The following PLXDC2 variants were observed in gnomAD, a reference collection of about 807,000 sequenced individuals.
PLXDC2 encodes plexin domain containing 2.
Under a neutral mutation model 68.9 loss-of-function variants are expected in PLXDC2, and 40 were observed. The observed-to-expected ratio is 0.58, with a 90% confidence interval of 0.45 to 0.76. PLXDC2 has a LOEUF of 0.76. Ranked by LOEUF, PLXDC2 falls within the 30% of genes least tolerant of loss-of-function variation. PLXDC2 has a pLI of 0.00. For synonymous variants in PLXDC2, 243 were observed against 234.2 expected, an observed-to-expected ratio of 1.04 and a Z score of -0.34; for missense variants, 644 against 661.9, an observed-to-expected ratio of 0.97 and a Z score of 0.30.
chr10:20,272,197 G>T (rs1302783539), intron 13 of PLXDC2, among the ~76,000 whole-genome samples: 1 of 150,672 alleles, frequency 6.6e-6, no homozygotes, highest in East Asian at 1.9e-4. Context: ...AGGAAAATTG[G>T]TTTTCTAACC....
Position 20,175,723 on chromosome 10 carries a change from T to C in PLXDC2, c.884-1276T>C, listed in dbSNP as rs1309365988. On this transcript the variant is annotated intron_variant, in intron 7 of 13. Coordinates refer to ENST00000377252, the MANE Select transcript of PLXDC2 (RefSeq NM_032812.9). ...GGCAAATGCCTGTAGTCCTAGCTAC[T>C]TGGGAGACTAAGGTGGGAGGATCGC... Among the ~76,000 whole-genome samples the C allele has an allele frequency of 2.0e-5, 3 of 152,100 alleles. No individual in the cohort carries two copies. In the East Asian group the frequency reaches 5.8e-4, roughly 29 times the overall value.
At chr10:20,118,105 T>TAC (rs60160833) in intron 4 of PLXDC2, among the ~76,000 whole-genome samples, 3,456 of 146,792 alleles carry the variant, frequency 0.024, 91 homozygotes, top group African/African-American at 0.065. Context: ...CATATATGCC[T>TAC]ACACACACAC....
At chr10:20,101,706 G>A (rs575989885) in intron 4 of PLXDC2, among the ~76,000 whole-genome samples, 92 of 151,896 alleles carry the variant, frequency 6.1e-4, no homozygotes, top group Admixed American at 3.1e-3. Flanking sequence ...CCTCTTTGTG[G>A]GATTAGGTTC....
chr10:20,005,127 C>T (rs892533472), intron 2 of PLXDC2, among the ~76,000 whole-genome samples: 1 of 152,096 alleles, frequency 6.6e-6, no homozygotes, highest in Non-Finnish European at 1.5e-5. Context: ...GCAAGCTTTG[C>T]CAGGCTTACA....
At chr10:20,021,004 G>A (rs1465469593) in intron 2 of PLXDC2, among the ~76,000 whole-genome samples, 2 of 152,106 alleles carry the variant, frequency 1.3e-5, no homozygotes, top group Non-Finnish European at 2.9e-5. Flanking sequence ...TGTCTGAATA[G>A]CAAACAACTG....
chr10:19,929,248 G>A (rs563312044), intron 1 of PLXDC2, among the ~76,000 whole-genome samples: 9 of 151,682 alleles, frequency 5.9e-5, no homozygotes, highest in Non-Finnish European at 1.3e-4. Flanking sequence ...CAACAACAAC[G>A]AAAAGAACCC....
intron 1 of PLXDC2, among the ~76,000 whole-genome samples, chr10:19,953,962 G>A (rs1419151364): frequency 6.6e-6 from 1 of 152,090 alleles, no homozygotes; most frequent in Non-Finnish European, 1.5e-5. Flanking sequence ...AAGTGTGGGC[G>A]GGGTGATAAA....
At position 20,136,646 on chromosome 10, in the gene PLXDC2, G is replaced by T. The variant is rs552949900; in HGVS notation, c.542-6649G>T. 2.0e-5 allele frequency among the ~76,000 whole-genome samples: 3 copies of T among 152,314 alleles called. No individual in the cohort carries two copies. The East Asian group carries it at 5.8e-4, about 29-fold the overall frequency. Reference sequence around the variant, plus strand: ...AAGATCATAAATTTCAGATCTATTTGATTAATATGTAGAGATAACAGTACA... The same window carrying T: ...AAGATCATAAATTTCAGATCTATTTTATTAATATGTAGAGATAACAGTACA... On this transcript the variant is annotated intron_variant, in intron 4 of 13. Coordinates refer to ENST00000377252, the MANE Select transcript of PLXDC2 (RefSeq NM_032812.9).
In PLXDC2 at chr10:20,289,293, T is replaced by C. The variant is rs1167649985; in HGVS notation, c.*9474T>C. The C allele has an allele frequency of 6.6e-6, 1 of 152,186 alleles. No homozygotes were observed. The highest frequency in any genetic ancestry group is 2.4e-5 in the African/African-American group (1 of 41,434). 9.4% of individuals were successfully genotyped at this position (152,186 alleles called of 1,614,324 possible). On this transcript the variant is annotated 3_prime_UTR_variant, in exon 14 of 14. Transcript: ENST00000377252. ...TGTGTGGGCAATGGGATGGAGACTT[T>C]TTCCCCTATTCCCAGCCACAGTGCC...
intron 6 of PLXDC2, among the ~76,000 whole-genome samples, chr10:20,156,228 A>C (rs1407694259): frequency 6.6e-6 from 1 of 152,030 alleles, no homozygotes; most frequent in East Asian, 1.9e-4. Flanking sequence ...TCAAGTGGGC[A>C]CCCTGCGTCA....
chr10:19,832,589 C>T (rs74365933), intron 1 of PLXDC2, among the ~76,000 whole-genome samples: 18,301 of 152,220 alleles, frequency 0.12, 1,273 homozygotes, highest in Non-Finnish European at 0.15. Flanking sequence ...TTAACCTTTT[C>T]CTCCACCAGG....
At chr10:20,225,534 C>G (rs1460450777) in intron 12 of PLXDC2, among the ~76,000 whole-genome samples, 2 of 152,130 alleles carry the variant, frequency 1.3e-5, no homozygotes, top group Non-Finnish European at 2.9e-5. Flanking sequence ...GACTACTTTT[C>G]ATGACAGCAC....
intron 1 of PLXDC2, among the ~76,000 whole-genome samples, chr10:19,982,505 T>C (rs956556970): frequency 6.6e-6 from 1 of 152,230 alleles, no homozygotes; most frequent in African/African-American, 2.4e-5. Context: ...AACAATCTTA[T>C]TTGTTTTCTT....
chr10:19,935,070 T>C (rs1411536828), intron 1 of PLXDC2, among the ~76,000 whole-genome samples: 1 of 152,190 alleles, frequency 6.6e-6, no homozygotes, highest in Non-Finnish European at 1.5e-5. Flanking sequence ...AGAAATTCAT[T>C]GTTCTGCTCA....
intron 1 of PLXDC2, among the ~76,000 whole-genome samples, chr10:19,987,557 GT>G (rs1554851184): frequency 1.3e-5 from 1 of 77,236 alleles, no homozygotes; most frequent in African/African-American, 5.4e-5. Flanking sequence ...ATTTGGTTTT[GT>G]TTTGTTTTTT....
At position 20,289,013 on chromosome 10, in the gene PLXDC2, A is replaced by G. The variant is rs1035764210; in HGVS notation, c.*9194A>G. ...TGTAAGACTGCTGTCATATTTGACTACATATTAAAAACAGTAAATGAGCAT... is the reference window on the plus strand; with the variant it reads ...TGTAAGACTGCTGTCATATTTGACTGCATATTAAAAACAGTAAATGAGCAT... On this transcript the variant is annotated 3_prime_UTR_variant, in exon 14 of 14. Coordinates refer to ENST00000377252, the MANE Select transcript of PLXDC2 (RefSeq NM_032812.9). 1.3e-5 allele frequency: 2 copies of G among 152,250 alleles called. No homozygotes were observed. The highest frequency in any genetic ancestry group is 2.4e-5 in the African/African-American group (1 of 41,468). The allele number at this position is 152,250 out of a possible 1,614,324, so 9.4% of individuals were successfully genotyped here.
intron 13 of PLXDC2, among the ~76,000 whole-genome samples, chr10:20,262,231 C>A (rs1835817049): frequency 6.6e-6 from 1 of 152,206 alleles, no homozygotes; most frequent in Non-Finnish European, 1.5e-5. Context: ...CCCACTCCAC[C>A]AAGGCCTTCA....
chr10:20,166,034 CT>C (rs1424311454), intron 7 of PLXDC2, among the ~76,000 whole-genome samples: 2 of 151,988 alleles, frequency 1.3e-5, no homozygotes, highest in Admixed American at 6.6e-5. Context: ...CATTTTTTCT[CT>C]TTTGTTCAAA....
At chr10:19,898,434 G>C (rs1838100899) in intron 1 of PLXDC2, among the ~76,000 whole-genome samples, 1 of 152,144 alleles carries the variant, frequency 6.6e-6, no homozygotes, top group African/African-American at 2.4e-5. Context: ...GTTAAAACAG[G>C]TCTTATTGTA....
Sources: gnomAD v4.1 joint callset for allele counts (sites outside exome capture counted in the v4.1 genomes callset) on GRCh38, gnomAD v4.1.1 for gene constraint, MANE v1.5 for transcripts, NCBI Gene and HGNC (gene_info 2026-07-23, HGNC 2026-07-21) for gene names.